Variants in ANO3 observed in about 807,000 individuals in gnomAD.
ANO3 encodes the protein anoctamin 3.
In ANO3, 99 loss-of-function variants were observed where a neutral mutation model predicts 144.8. The observed-to-expected ratio is 0.68, with a 90% CI of 0.58 to 0.81. The LOEUF is 0.81. Ranked by LOEUF, ANO3 falls within the 30% of genes least tolerant of loss-of-function variation. ANO3 has a pLI of 0.00. For synonymous variants in ANO3, 414 were observed against 392.6 expected, an observed-to-expected ratio of 1.05 and a Z score of -0.64; for missense variants, 905 against 1,202.2, an observed-to-expected ratio of 0.75 and a Z score of 3.66.
In ANO3 at chr11:26,639,257, T is replaced by C; in HGVS notation, c.2141+16T>C. ...TAGGATACCCGTGAGCACATTATTTTCAAACTTGCCTTATGTCTAGTTACA... is the reference window on the plus strand; with the variant it reads ...TAGGATACCCGTGAGCACATTATTTCCAAACTTGCCTTATGTCTAGTTACA... On this transcript the variant is annotated intron_variant, in intron 21 of 26. Transcript: ENST00000256737. 6.3e-7 allele frequency: 1 copy of C among 1,595,628 alleles called. No individual in the cohort carries two copies. The highest frequency in any genetic ancestry group is 1.1e-5 in the South Asian group (1 of 90,678).
At chr11:26,622,134 C>G (rs1234356834) in intron 17 of ANO3, among the ~76,000 whole-genome samples, 1 of 152,144 alleles carries the variant, frequency 6.6e-6, no homozygotes, top group Non-Finnish European at 1.5e-5. Flanking sequence ...TCAGCCATAG[C>G]ATTTGGGCCT....
At chr11:26,563,181 A>G (rs1850364005) in intron 14 of ANO3, 12 of 1,612,634 alleles carry the variant, frequency 7.4e-6, no homozygotes, top group Non-Finnish European at 1.0e-5. Flanking sequence ...TTTTCCACAC[A>G]ACAAGTAGCC....
intron 1 of ANO3, among the ~76,000 whole-genome samples, chr11:26,405,409 A>G (rs796986463): frequency 4.6e-5 from 7 of 151,858 alleles, no homozygotes; most frequent in African/African-American, 1.7e-4. Flanking sequence ...TGCTTTAATT[A>G]TTTCTTTAGT....
chr11:26,338,167 A>G (rs561029071), intron 1 of ANO3, among the ~76,000 whole-genome samples: 3 of 152,058 alleles, frequency 2.0e-5, no homozygotes, highest in East Asian at 1.9e-4. Flanking sequence ...TTGTGTGGAC[A>G]CTATTACCCA....
At chr11:26,399,129 T>C (rs1330871919) in intron 1 of ANO3, among the ~76,000 whole-genome samples, 1 of 151,974 alleles carries the variant, frequency 6.6e-6, no homozygotes, top group African/African-American at 2.4e-5. Flanking sequence ...TCTGGTGAGA[T>C]AAAATTCTGC....
chr11:26,189,469 T>C (rs1460843211), intron 1 of ANO3: 4 of 358,822 alleles, frequency 1.1e-5, no homozygotes, highest in African/African-American at 2.2e-5. Flanking sequence ...GTTTCTTTAG[T>C]TTTTTCCCAA....
At chr11:26,244,915 T>G (rs2350205) in intron 1 of ANO3, among the ~76,000 whole-genome samples, 40,119 of 151,510 alleles carry the variant, frequency 0.26, 5,622 homozygotes, top group Non-Finnish European at 0.3. Flanking sequence ...GATCACATAT[T>G]GCATTCACTG....
At chr11:26,405,532 C>T (rs1206442981) in intron 1 of ANO3, among the ~76,000 whole-genome samples, 1 of 151,766 alleles carries the variant, frequency 6.6e-6, no homozygotes, top group African/African-American at 2.4e-5. Context: ...GCCATTATTC[C>T]GTGTAGGCTA....
At chr11:26,587,348 C>T (rs1232458460) in intron 14 of ANO3, among the ~76,000 whole-genome samples, 2 of 152,206 alleles carry the variant, frequency 1.3e-5, no homozygotes, top group Admixed American at 6.5e-5. Flanking sequence ...AAAGCCACAT[C>T]CATTTACATA....
intron 1 of ANO3, among the ~76,000 whole-genome samples, chr11:26,286,896 G>T (rs1274741626): frequency 6.6e-6 from 1 of 151,550 alleles, no homozygotes; most frequent in Non-Finnish European, 1.5e-5. Flanking sequence ...ACCTTCTAAA[G>T]ACTCTCTGCT....
At chr11:26,339,286 C>A (rs2133897689) in intron 1 of ANO3, among the ~76,000 whole-genome samples, 1 of 152,112 alleles carries the variant, frequency 6.6e-6, no homozygotes, top group South Asian at 2.1e-4. Context: ...TCCTGAGTAG[C>A]TGGGATTACA....
chr11:26,500,650 G>A (rs1175583036), intron 4 of ANO3, among the ~76,000 whole-genome samples: 1 of 151,882 alleles, frequency 6.6e-6, no homozygotes, highest in East Asian at 1.9e-4. Context: ...TGGCTTATTT[G>A]TGTTTTTATT....
At chr11:26,286,537 T>C (rs1159989095) in intron 1 of ANO3, among the ~76,000 whole-genome samples, 1 of 152,232 alleles carries the variant, frequency 6.6e-6, no homozygotes, top group Admixed American at 6.5e-5. Context: ...AATTGCACAG[T>C]AATTTTATAA....
intron 1 of ANO3, among the ~76,000 whole-genome samples, chr11:26,311,851 A>C (rs1854508354): frequency 6.6e-6 from 1 of 152,040 alleles, no homozygotes; most frequent in Non-Finnish European, 1.5e-5. Flanking sequence ...CTTGTTTTTT[A>C]AAAAACTTTT....
At chr11:26,458,635 G>C (rs1487713662) in intron 3 of ANO3, among the ~76,000 whole-genome samples, 2 of 152,076 alleles carry the variant, frequency 1.3e-5, no homozygotes, top group African/African-American at 4.8e-5. Context: ...AGTCTGCAAA[G>C]CAATTTAATG....
At chr11:26,397,258 A>T (rs1199559744) in intron 1 of ANO3, among the ~76,000 whole-genome samples, 1 of 152,076 alleles carries the variant, frequency 6.6e-6, no homozygotes, top group African/African-American at 2.4e-5. Context: ...AGTAAAAATG[A>T]TGTTTTTATA....
rs11029512 is a variant in ANO3, at chr11:26,313,547, C to T, written c.-3+3828C>T. ...TAAAAATACAAAAAAATTAGCTGGG[C>T]GTGGTGGTGCGTGCCTATAGTCCCT... is the stretch of plus-strand genomic sequence containing the variant. On this transcript the variant is annotated intron_variant, in intron 1 of 26. Coordinates refer to the ANO3 transcript ENST00000525139. Among the ~76,000 whole-genome samples the T allele has an allele frequency of 9.5e-4, 145 of 151,842 alleles. 3 individuals are homozygous for T. The East Asian group carries it at 0.02, about 21-fold the overall frequency.
At chr11:26,242,202 C>T (rs1176221232) in intron 1 of ANO3, among the ~76,000 whole-genome samples, 4 of 152,178 alleles carry the variant, frequency 2.6e-5, no homozygotes, top group Non-Finnish European at 5.9e-5. Context: ...ATATTATCTT[C>T]CCTTCGCCTA....
chr11:26,319,144 C>CATTATTATTATTATTATT lies in ANO3; in HGVS notation c.-3+9428_-3+9445dup, dbSNP rs376211456. 2.8e-4 allele frequency among the ~76,000 whole-genome samples: 42 copies of CATTATTATTATTATTATT among 150,930 alleles called. No homozygotes were observed. The East Asian group carries it at 3.7e-3, about 13-fold the overall frequency. On this transcript the variant is annotated intron_variant, in intron 1 of 26. Transcript: ENST00000525139. ...GGTGTGTGCCACTACTTCCAGATAA[C>CATTATTATTATTATTATT]ATTATTATTATTATTATTATCGTTA...
Sources: allele counts gnomAD v4.1 joint callset (sites outside exome capture counted in the v4.1 genomes callset), GRCh38; gene constraint gnomAD v4.1.1; transcripts MANE v1.5; gene names NCBI Gene and HGNC (gene_info 2026-07-23, HGNC 2026-07-21).